The following LRRC8C variants were observed in gnomAD, a reference collection of about 807,000 sequenced individuals.
LRRC8C encodes the protein leucine rich repeat containing 8 VRAC subunit C.
LRRC8C carries 20 observed loss-of-function variants against 55.3 expected under a neutral mutation model. That is an observed-to-expected ratio of 0.36 (90% CI 0.25 to 0.53). The LOEUF is 0.53. Among genes scored for constraint, LRRC8C ranks in the 20% least tolerant of loss-of-function variants. LRRC8C has a pLI of 0.92. For synonymous variants in LRRC8C, 376 were observed against 360.7 expected (o/e 1.04, Z -0.48); for missense variants, 659 against 951.4 (o/e 0.69, Z 4.04).
chr1:89,709,755 G>GTT (rs67684610), intron 2 of LRRC8C, among the ~76,000 whole-genome samples: 64 of 134,434 alleles, frequency 4.8e-4, no homozygotes, highest in East Asian at 1.7e-3. Context: ...TTTTTTGTTT[G>GTT]TTTTTTTTTT....
intron 1 of LRRC8C, among the ~76,000 whole-genome samples, chr1:89,640,355 AC>A: frequency 6.6e-6 from 1 of 152,332 alleles, no homozygotes; most frequent in South Asian, 2.1e-4. Context: ...GAGCCACTGC[AC>A]CCAGCCTCTC....
At chr1:89,637,161 A>G (rs113753531) in intron 1 of LRRC8C, among the ~76,000 whole-genome samples, 626 of 152,264 alleles carry the variant, frequency 4.1e-3, no homozygotes, top group African/African-American at 0.014. Context: ...GCTATGTTTC[A>G]TTAATAAATT....
chr1:89,622,943 G>C, the LRRC8C span, among the ~76,000 whole-genome samples: 1 of 152,268 alleles, frequency 6.6e-6, no homozygotes, highest in Non-Finnish European at 1.5e-5. Flanking sequence ...TATCAGATCA[G>C]ATATAAATAG....
the LRRC8C span, among the ~76,000 whole-genome samples, chr1:89,620,445 C>CA: frequency 6.6e-6 from 1 of 151,600 alleles, no homozygotes; most frequent in African/African-American, 2.4e-5. Context: ...GTGATAAGGA[C>CA]AAAAAGGAAG....
chr1:89,636,187 G>T (rs571838697), intron 1 of LRRC8C, among the ~76,000 whole-genome samples: 25 of 152,312 alleles, frequency 1.6e-4, no homozygotes, highest in African/African-American at 5.5e-4. Context: ...CAGATTACTT[G>T]TAATAGTGCA....
At chr1:89,698,245 A>G (rs1345814190) in intron 2 of LRRC8C, among the ~76,000 whole-genome samples, 4 of 152,178 alleles carry the variant, frequency 2.6e-5, no homozygotes, top group African/African-American at 4.8e-5. Context: ...CTAGAGGTCA[A>G]ATATTTCCAG....
Position 89,715,038 on chromosome 1 carries a change from A to T in LRRC8C, c.*56A>T. The T allele has an allele frequency of 2.3e-6, 3 of 1,279,080 alleles. No homozygotes were observed. Among genetic ancestry groups the T allele is most frequent in the Non-Finnish European group, 3.2e-6 (3 of 938,578 alleles). The allele number at this position is 1,279,080 out of a possible 1,614,324, so 79.2% of individuals were successfully genotyped here. On this transcript the variant is annotated 3_prime_UTR_variant, in exon 3 of 3. Transcript: ENST00000370454. Reference sequence around the variant, plus strand: ...CGCTTCTACCAAATACAGTATAAATAATTAGGTAGTCTTAATGCCTTTCCT... The same window carrying T: ...CGCTTCTACCAAATACAGTATAAATTATTAGGTAGTCTTAATGCCTTTCCT...
the LRRC8C span, among the ~76,000 whole-genome samples, chr1:89,628,025 G>A: frequency 6.6e-6 from 1 of 152,176 alleles, no homozygotes; most frequent in Admixed American, 6.5e-5. Context: ...AGGAATTTGG[G>A]TAACAGATAT....
intron 1 of LRRC8C, among the ~76,000 whole-genome samples, chr1:89,635,421 C>G (rs867575257): frequency 6.6e-6 from 1 of 152,250 alleles, no homozygotes; most frequent in Middle Eastern, 3.4e-3. Flanking sequence ...ACCTAATACA[C>G]ATTATCTCAG....
chr1:89,699,748 C>T (rs1658268448), intron 2 of LRRC8C, among the ~76,000 whole-genome samples: 1 of 152,088 alleles, frequency 6.6e-6, no homozygotes, highest in African/African-American at 2.4e-5. Flanking sequence ...CCCAAATATG[C>T]TTATAGTCAA....
At chr1:89,638,693 T>C (rs1245500186) in intron 1 of LRRC8C, among the ~76,000 whole-genome samples, 1 of 152,184 alleles carries the variant, frequency 6.6e-6, no homozygotes, top group Non-Finnish European at 1.5e-5. Flanking sequence ...GAAACTTACA[T>C]GTAAAAATGT....
rs1015495703 is a variant in LRRC8C at position 89,711,131 on chromosome 1, AC to A, written c.139-1575del. On this transcript the variant is annotated intron_variant, in intron 2 of 2. Transcript: ENST00000370454. ...CATCCCTAGAAGAGGTGTCCTGCAC[AC>A]CCAGACTGATACAACCCTGAACTAG... Among the ~76,000 whole-genome samples the A allele has an allele frequency of 1.2e-4, 18 of 152,316 alleles. No individual in the cohort carries two copies. In the East Asian group the frequency reaches 2.7e-3, roughly 23 times the overall value.
At chr1:89,708,443 A>T (rs1483357382) in intron 2 of LRRC8C, 1 of 151,706 alleles carries the variant, frequency 6.6e-6, no homozygotes, top group Non-Finnish European at 1.5e-5. Context: ...TGGGTAAAGA[A>T]AAAGAAACGT....
intron 1 of LRRC8C, among the ~76,000 whole-genome samples, chr1:89,683,307 A>G (rs182603050): frequency 5.8e-4 from 88 of 152,210 alleles, no homozygotes; most frequent in African/African-American, 1.8e-3. Context: ...AATCATGCAT[A>G]TGTTACAAAA....
chr1:89,656,712 A>G (rs1656952492), intron 1 of LRRC8C, among the ~76,000 whole-genome samples: 1 of 152,226 alleles, frequency 6.6e-6, no homozygotes, highest in Non-Finnish European at 1.5e-5. Flanking sequence ...AGAGGACACC[A>G]CAATTTGGGG....
intron 1 of LRRC8C, among the ~76,000 whole-genome samples, chr1:89,663,494 C>T (rs866504290): frequency 4.0e-5 from 6 of 150,350 alleles, no homozygotes; most frequent in East Asian, 2.0e-4. Context: ...GGTGTGAACC[C>T]GGGAGGCAGA....
In LRRC8C at chr1:89,714,481, A is replaced by G. The variant is rs1658752726; in HGVS notation, c.1911A>G (p.Arg637=). 6.2e-7 allele frequency: 1 copy of G among 1,614,180 alleles called. No individual in the cohort carries two copies. The highest frequency in any genetic ancestry group is 8.5e-7 in the Non-Finnish European group (1 of 1,180,034). ...IEEIVSFQHL[R]KLTVLKLWHN... ...AAATCGTTAGCTTTCAGCACTTAAG[A>G]AAGTTGACAGTGCTAAAACTGTGGC... The change falls in exon 3 of 3, where the codon AGA becomes AGG. Residue 637 remains arginine, a synonymous_variant. Coordinates refer to ENST00000370454, the MANE Select transcript of LRRC8C (RefSeq NM_032270.5). The surrounding 1 kb of genome is among the most constrained non-coding windows in gnomAD (Gnocchi z 4.6).
chr1:89,690,569 A>G (rs1190630086), intron 2 of LRRC8C, among the ~76,000 whole-genome samples: 3 of 103,374 alleles, frequency 2.9e-5, no homozygotes, highest in Non-Finnish European at 7.5e-5. Context: ...GAACACAGAA[A>G]ATCTTTTAGA....
chr1:89,656,883 A>AAATAG (rs1453245402), intron 1 of LRRC8C, among the ~76,000 whole-genome samples: 1 of 152,198 alleles, frequency 6.6e-6, no homozygotes, highest in Admixed American at 6.5e-5. Context: ...AGAAGTCTGG[A>AAATAG]AATATTTTCT....
Sources: allele counts gnomAD v4.1 joint callset (sites outside exome capture counted in the v4.1 genomes callset), GRCh38; gene constraint gnomAD v4.1.1; non-coding constraint Gnocchi (gnomAD v3.1); transcripts MANE v1.5; gene names NCBI Gene and HGNC (gene_info 2026-07-23, HGNC 2026-07-21).